Variants in CTNNA3 observed in about 807,000 individuals in gnomAD.
CTNNA3 encodes catenin alpha 3, also known as catenin alpha-3.
Under a neutral mutation model 95.7 loss-of-function variants are expected in CTNNA3, and 76 were observed. The observed-to-expected ratio is 0.79, with a 90% confidence interval of 0.66 to 0.96. CTNNA3 has a LOEUF of 0.96. Among genes scored for constraint, CTNNA3 ranks in the 40% least tolerant of loss-of-function variants. The pLI is 0.00. For missense variants in CTNNA3, 1,191 were observed against 1,089.8 expected (o/e 1.09, Z -1.31); for synonymous variants, 431 against 374.4 (o/e 1.15, Z -1.74).
chr10:67,179,593 C>A (rs950985255), intron 7 of CTNNA3, among the ~76,000 whole-genome samples: 16 of 151,714 alleles, frequency 1.1e-4, no homozygotes, highest in Non-Finnish European at 2.9e-5. Context: ...CTTTGGGAGG[C>A]CAAGGTGGGA....
chr10:66,406,950 G>A (rs2093062282), intron 11 of CTNNA3, among the ~76,000 whole-genome samples: 1 of 152,026 alleles, frequency 6.6e-6, no homozygotes, highest in Non-Finnish European at 1.5e-5. Flanking sequence ...AAAGGTTTCT[G>A]AATAAAATTT....
At chr10:66,865,585 T>G (rs1844142074) in intron 7 of CTNNA3, among the ~76,000 whole-genome samples, 1 of 152,144 alleles carries the variant, frequency 6.6e-6, no homozygotes, top group South Asian at 2.1e-4. Context: ...TTGGCACAAT[T>G]TATGTAATCA....
Position 66,477,515 on chromosome 10 carries a change from T to C in CTNNA3, c.1531+43102A>G, listed in dbSNP as rs370315645. ...ATGTAGAAATGGCTTCCAGGAATAT[T>C]TCTACGACCCACTCTGAAAATTCAC... On this transcript the variant is annotated intron_variant, in intron 11 of 17. Coordinates refer to ENST00000433211, the MANE Select transcript of CTNNA3 (RefSeq NM_013266.4). 3.9e-4 allele frequency among the ~76,000 whole-genome samples: 59 copies of C among 152,166 alleles called. 1 individual carries two copies. In the South Asian group the frequency reaches 0.012, roughly 31 times the overall value.
chr10:66,811,866 A>G (rs1466547310), intron 7 of CTNNA3, among the ~76,000 whole-genome samples: 5 of 152,232 alleles, frequency 3.3e-5, no homozygotes, highest in Admixed American at 1.3e-4. Flanking sequence ...TATCTCTGAT[A>G]GCAGAGCACT....
At chr10:66,025,288 T>C (rs1301369789) in intron 15 of CTNNA3, among the ~76,000 whole-genome samples, 1 of 152,178 alleles carries the variant, frequency 6.6e-6, no homozygotes. Context: ...AGAAAAACTT[T>C]GCTGCACAAG....
chr10:66,929,941 T>G (rs902993348), intron 7 of CTNNA3, among the ~76,000 whole-genome samples: 5 of 152,190 alleles, frequency 3.3e-5, no homozygotes, highest in African/African-American at 1.2e-4. Flanking sequence ...ACTGCAACAT[T>G]GAGGCTGTTT....
chr10:66,234,278 T>C (rs1276408131), intron 13 of CTNNA3, among the ~76,000 whole-genome samples: 1 of 152,150 alleles, frequency 6.6e-6, no homozygotes, highest in East Asian at 1.9e-4. Flanking sequence ...TCCAAAAATA[T>C]ATATATTTGG....
intron 9 of CTNNA3, among the ~76,000 whole-genome samples, chr10:66,644,910 C>T (rs1465164305): frequency 6.6e-6 from 1 of 152,114 alleles, no homozygotes; most frequent in Admixed American, 6.6e-5. Flanking sequence ...CCTTCAAAAT[C>T]CCACATCCTC....
At chr10:66,518,446 G>C (rs1448715335) in intron 11 of CTNNA3, among the ~76,000 whole-genome samples, 1 of 152,014 alleles carries the variant, frequency 6.6e-6, no homozygotes, top group African/African-American at 2.4e-5. Context: ...CCGAGAAACA[G>C]AACCTACTAT....
intron 9 of CTNNA3, among the ~76,000 whole-genome samples, chr10:66,636,714 C>T (rs957131284): frequency 1.3e-5 from 2 of 152,010 alleles, no homozygotes; most frequent in African/African-American, 4.8e-5. Flanking sequence ...GATCTCTTTA[C>T]AGAGGCCTAA....
At chr10:67,578,033 T>C (rs1325377666) in intron 3 of CTNNA3, among the ~76,000 whole-genome samples, 1 of 142,856 alleles carries the variant, frequency 7.0e-6, no homozygotes, top group Non-Finnish European at 1.5e-5. Context: ...GTCCTTTTAA[T>C]AATAGCCATT....
chr10:66,341,594 T>A (rs2092453528), intron 12 of CTNNA3, among the ~76,000 whole-genome samples: 1 of 151,998 alleles, frequency 6.6e-6, no homozygotes, highest in Non-Finnish European at 1.5e-5. Flanking sequence ...TAAATTGTAC[T>A]TTAGATTTTT....
chr10:67,167,106 C>CAA (rs144255942), intron 7 of CTNNA3, among the ~76,000 whole-genome samples: 3 of 146,254 alleles, frequency 2.1e-5, no homozygotes, highest in African/African-American at 7.5e-5. Context: ...GACTCCATCT[C>CAA]AAAAAAAAGA....
intron 1 of CTNNA3, among the ~76,000 whole-genome samples, chr10:67,740,612 T>A (rs1298544880): frequency 5.3e-5 from 8 of 151,282 alleles, no homozygotes; most frequent in Admixed American, 2.0e-4. Flanking sequence ...CAATGAGATA[T>A]CATCTCACAC....
At chr10:66,135,398 T>G (rs2083297188) in intron 13 of CTNNA3, among the ~76,000 whole-genome samples, 1 of 152,156 alleles carries the variant, frequency 6.6e-6, no homozygotes, top group Admixed American at 6.5e-5. Flanking sequence ...CCTAAAAATG[T>G]TTGGGACAAA....
In CTNNA3 at chr10:65,972,758, T is replaced by C. The variant is rs181650861; in HGVS notation, c.2266-6012A>G. ...ACTGGAAGAATGAATATCGTTAAAA[T>C]GGCCATGCTGCTCAAAGCAATCTAC... On this transcript the variant is annotated intron_variant, in intron 16 of 17. Transcript: ENST00000433211. Among the ~76,000 whole-genome samples, 5 of 152,216 alleles carry C rather than the reference T, an allele frequency of 3.3e-5. No homozygotes were observed. In the East Asian group the frequency reaches 5.8e-4, roughly 18 times the overall value.
At chr10:67,236,750 G>A (rs1219786199) in intron 5 of CTNNA3, among the ~76,000 whole-genome samples, 1 of 151,578 alleles carries the variant, frequency 6.6e-6, no homozygotes, top group African/African-American at 2.4e-5. Flanking sequence ...TAATGATCAG[G>A]GAAATGCAAA....
chr10:66,090,103 C>T (rs926301186), intron 14 of CTNNA3, among the ~76,000 whole-genome samples: 1 of 151,982 alleles, frequency 6.6e-6, no homozygotes, highest in African/African-American at 2.4e-5. Flanking sequence ...GACAACACAG[C>T]ACTTCTTTTC....
Position 65,988,679 on chromosome 10 carries a change from G to T in CTNNA3, c.2265+13C>A. On this transcript the variant is annotated intron_variant, in intron 16 of 17. Transcript: ENST00000433211. The stretch of plus-strand genomic sequence containing the variant: ...GCATGAACTTTTATGATGTCCACTT[G>T]TAAGTAACTCACCTGATTAGCAATC... 6.2e-7 allele frequency: 1 copy of T among 1,602,616 alleles called. No homozygotes were observed. Among genetic ancestry groups the T allele is most frequent in the Non-Finnish European group, 8.5e-7 (1 of 1,169,956 alleles).
Sources: allele counts gnomAD v4.1 joint callset (sites outside exome capture counted in the v4.1 genomes callset), GRCh38; gene constraint gnomAD v4.1.1; transcripts MANE v1.5; gene names NCBI Gene and HGNC (gene_info 2026-07-23, HGNC 2026-07-21).